The following SP2 variants were observed in gnomAD, a reference collection of about 807,000 sequenced individuals.
SP2 encodes the protein Sp2 transcription factor.
SP2 carries 9 observed loss-of-function variants against 50.1 expected under a neutral mutation model. The ratio of observed to expected loss-of-function variants is 0.18; its 90% CI spans 0.11 to 0.31. The LOEUF (loss-of-function observed/expected upper bound fraction) is 0.31. Among genes scored for constraint, SP2 ranks in the 10% least tolerant of loss-of-function variants. The probability of loss-of-function intolerance (pLI) is 1.00; values close to 1 mark genes in which losing one functional copy is unlikely to be tolerated. For missense variants in SP2, 581 were observed against 806.5 expected, an observed-to-expected ratio of 0.72 and a Z score of 3.39; for synonymous variants, 313 against 326.6, an observed-to-expected ratio of 0.96 and a Z score of 0.45.
intron 1 of SP2, among the ~76,000 whole-genome samples, chr17:47,913,280 A>C (rs1320435441): frequency 2.6e-5 from 4 of 151,854 alleles, no homozygotes; most frequent in South Asian, 4.2e-4. Context: ...TGTTTTGGCT[A>C]TTCACAGGTG....
In SP2 at chr17:47,916,593, C is replaced by T. The variant is rs199905768; in HGVS notation, c.522C>T (p.His174=). 6.2e-7 allele frequency: 1 copy of T among 1,614,022 alleles called. No homozygotes were observed. Among genetic ancestry groups the T allele is most frequent in the Non-Finnish European group, 8.5e-7 (1 of 1,180,022 alleles). ...QAIITPSPSS[H]KPVPIKPAPI... is the part of the protein sequence containing the mutation. ...TCATCACCCCCTCACCGTCCAGTCA[C>T]AAGCCTGTCCCCATCAAGCCAGCCC... Residue 174 remains histidine (H), a synonymous_variant, in exon 3 of 7, where the codon CAC becomes CAT. Transcript: ENST00000376741. The surrounding 1 kb of genome is among the most constrained non-coding windows in gnomAD (Gnocchi z 4.7).
Position 47,928,853 on chromosome 17 carries a change from G to A in SP2, c.*1029G>A, listed in dbSNP as rs745700553. The A allele has an allele frequency of 5.2e-5, 8 of 152,654 alleles. No homozygotes were observed. The highest frequency in any genetic ancestry group is 1.2e-4 in the Non-Finnish European group (8 of 68,048). The allele number at this position is 152,654 out of a possible 1,614,324, so 9.5% of individuals were successfully genotyped here. On this transcript the variant is annotated 3_prime_UTR_variant, in exon 7 of 7. Coordinates refer to ENST00000376741, the MANE Select transcript of SP2 (RefSeq NM_003110.6). ...GCTTGAGGTATGTTTTATGAATTAA[G>A]TGACAGATTTGTTATCCTTTATTAA... is the stretch of plus-strand genomic sequence containing the variant.
At position 47,917,068 on chromosome 17, in the gene SP2, A is replaced by G. The variant is rs202157380; in HGVS notation, c.997A>G (p.Thr333Ala). 2 of 1,613,514 alleles carry G rather than the reference A, an allele frequency of 1.2e-6. No individual in the cohort carries two copies. Among genetic ancestry groups the G allele is most frequent in the African/African-American group, 2.7e-5 (2 of 75,026 alleles). ...VVQAASATLP[T>A]VPQKPSQNFQ... ...GCAGGCGGCATCTGCCACCCTCCCC[A>G]CTGTACCCCAGAAGCCCTCCCAGAA... is the stretch of plus-strand genomic sequence containing the variant. The change falls in exon 3 of 7, where the codon ACT (threonine) becomes GCT (alanine). Residue 333 changes from threonine to alanine, a missense_variant. Transcript: ENST00000376741.
At position 47,927,825 on chromosome 17, in the gene SP2, G is replaced by C; in HGVS notation, c.*1G>C. On this transcript the variant is annotated 3_prime_UTR_variant, in exon 7 of 7. Coordinates refer to ENST00000376741, the MANE Select transcript of SP2 (RefSeq NM_003110.6). ...CCACCTGGTCACGAAGAACTTGTAAGGCCAACTGCGGCGGGAGGCCCTGAA... is the reference window on the plus strand; with the variant it reads ...CCACCTGGTCACGAAGAACTTGTAACGCCAACTGCGGCGGGAGGCCCTGAA... 1 of 1,554,158 alleles carries C rather than the reference G, an allele frequency of 6.4e-7. No individual in the cohort carries two copies. The highest frequency in any genetic ancestry group is 8.8e-7 in the Non-Finnish European group (1 of 1,138,872).
At position 47,925,477 on chromosome 17, in the gene SP2, G is replaced by A; in HGVS notation, c.1677G>A (p.Trp559Ter). 1 of 1,614,226 alleles carries A rather than the reference G, an allele frequency of 6.2e-7. No individual in the cohort carries two copies. Among genetic ancestry groups the A allele is most frequent in the East Asian group, 2.2e-5 (1 of 44,892 alleles). ...GCGAGCGGCCCTTTGTCTGCAACTG[G>A]TTCTTCTGTGGGAAGAGGTTCACAC... ...HTGERPFVCNWFFCGKRFTRS... is the reference protein window; with the variant it reads ...HTGERPFVCN The change falls in exon 6 of 7, where the codon TGG (tryptophan) becomes TGA (stop). Residue 559 changes from tryptophan (W) to a stop codon, truncating the protein, a stop_gained. Transcript: ENST00000376741. LOFTEE classifies it high-confidence loss of function.
At chr17:47,917,193 G>C in intron 3 of SP2, 63 bp downstream of exon 3, 1 of 1,489,356 alleles carries the variant, frequency 6.7e-7, no homozygotes, top group Non-Finnish European at 9.1e-7. Flanking sequence ...GGCTTGCTTT[G>C]AAGATGATGC....
At chr17:47,911,594 G>A (rs1351458770) in intron 1 of SP2, among the ~76,000 whole-genome samples, 2 of 151,930 alleles carry the variant, frequency 1.3e-5, no homozygotes, top group African/African-American at 4.8e-5. Flanking sequence ...GGATCACGAG[G>A]TCAGGAGCTC....
At chr17:47,917,785 G>T (rs1271704888) in intron 3 of SP2, 3 of 446,456 alleles carry the variant, frequency 6.7e-6, no homozygotes, top group Non-Finnish European at 1.3e-5. Flanking sequence ...CTGAGCCACT[G>T]CTTCCTGCCA....
At chr17:47,897,719 GTAATT>G in intron 1 of SP2, 1 of 287,948 alleles carries the variant, frequency 3.5e-6, no homozygotes, top group Non-Finnish European at 5.2e-6. Flanking sequence ...GACCACAGCA[GTAATT>G]TCAATTACTA....
At chr17:47,922,844 A>T in intron 3 of SP2, 118 bp from the exon 4 acceptor site, 1 of 825,044 alleles carries the variant, frequency 1.2e-6, no homozygotes, top group South Asian at 1.7e-5. Context: ...GGTTTGGGTG[A>T]ATTGAAGAGA....
intron 1 of SP2, among the ~76,000 whole-genome samples, chr17:47,913,515 A>G (rs1380680156): frequency 6.6e-6 from 1 of 152,186 alleles, no homozygotes; most frequent in East Asian, 1.9e-4. Flanking sequence ...AAGATGGTAT[A>G]GATTCTTTCT....
chr17:47,927,528 T>C (rs547748118), intron 6 of SP2, among the ~76,000 whole-genome samples, 196 bp from the exon 7 acceptor site: 1,548 of 83,622 alleles, frequency 0.019, 13 homozygotes, highest in Non-Finnish European at 0.027. Context: ...TGAGACTCCA[T>C]CTCAAAAAAA....
intron 1 of SP2, chr17:47,898,906 A>T (rs2034438809): frequency 6.6e-6 from 1 of 152,216 alleles, no homozygotes; most frequent in South Asian, 2.1e-4. Flanking sequence ...ATATGTCTGG[A>T]GTTTTCCCTT....
chr17:47,900,455 A>G (rs905925033), intron 1 of SP2: 1 of 152,258 alleles, frequency 6.6e-6, no homozygotes, highest in African/African-American at 2.4e-5. Flanking sequence ...TCTCAGGGGA[A>G]ATGAAATCAC....
intron 1 of SP2, among the ~76,000 whole-genome samples, chr17:47,913,566 TC>T (rs969710945): frequency 2.6e-5 from 4 of 152,288 alleles, no homozygotes; most frequent in African/African-American, 9.6e-5. Flanking sequence ...ATACTGTGTT[TC>T]TTTCTTTTTA....
chr17:47,924,393 G>A (rs2035571732), intron 4 of SP2, among the ~76,000 whole-genome samples: 1 of 152,110 alleles, frequency 6.6e-6, no homozygotes, highest in Non-Finnish European at 1.5e-5. Context: ...GCCTGCCAGA[G>A]TGCTGGGATT....
Position 47,916,957 on chromosome 17 carries a change from G to A in SP2, c.886G>A (p.Ala296Thr). 1 of 1,614,186 alleles carries A rather than the reference G, an allele frequency of 6.2e-7. No individual in the cohort carries two copies. The highest frequency in any genetic ancestry group is 8.5e-7 in the Non-Finnish European group (1 of 1,180,026). Residue 296 changes from alanine (A) to threonine (T), a missense_variant, in exon 3 of 7, where the codon GCT becomes ACT. Transcript: ENST00000376741. This position sits in a 1 kb window ranked among gnomAD's most constrained non-coding sequence, Gnocchi z 4.7. ...IVQSPGGGQP[A>T]VVQQVQVVPP... ...TCAGAGCCCTGGTGGGGGCCAGCCA[G>A]CTGTGGTCCAGCAGGTCCAGGTGGT...
At chr17:47,921,922 A>G (rs559403067) in intron 3 of SP2, among the ~76,000 whole-genome samples, 1 of 152,344 alleles carries the variant, frequency 6.6e-6, no homozygotes, top group Non-Finnish European at 1.5e-5. Context: ...GTCTACGTAG[A>G]TAGATGTAGA....
chr17:47,921,455 T>A (rs889094677), intron 3 of SP2, among the ~76,000 whole-genome samples: 1 of 152,176 alleles, frequency 6.6e-6, no homozygotes, highest in Non-Finnish European at 1.5e-5. Context: ...TTTCACCAAG[T>A]TGACCAAGCT....
Sources: gnomAD v4.1 joint callset for allele counts (sites outside exome capture counted in the v4.1 genomes callset) on GRCh38, gnomAD v4.1.1 for gene constraint, Gnocchi (gnomAD v3.1) non-coding constraint, MANE v1.5 for transcripts, NCBI Gene and HGNC (gene_info 2026-07-23, HGNC 2026-07-21) for gene names.